The following PITRM1 variants were observed in gnomAD, a reference collection of about 807,000 sequenced individuals.
PITRM1 encodes the protein pitrilysin metallopeptidase 1, also known as presequence protease, mitochondrial.
PITRM1 carries 100 observed loss-of-function variants against 129.9 expected under a neutral mutation model. The observed-to-expected ratio is 0.77, with a 90% CI of 0.65 to 0.91. The LOEUF (loss-of-function observed/expected upper bound fraction) is 0.91. PITRM1 is among the 40% of genes least tolerant of loss of function. The probability of loss-of-function intolerance (pLI) is 0.00; values close to 1 mark genes in which losing one functional copy is unlikely to be tolerated. For synonymous variants in PITRM1, 591 were observed against 508.8 expected, an observed-to-expected ratio of 1.16 and a Z score of -2.17; for missense variants, 1,471 against 1,318.3, an observed-to-expected ratio of 1.12 and a Z score of -1.79.
chr10:3,168,656 T>C (rs1349286272), intron 2 of PITRM1, among the ~76,000 whole-genome samples: 1 of 152,110 alleles, frequency 6.6e-6, no homozygotes, highest in Non-Finnish European at 1.5e-5. Context: ...TATAAGGGGC[T>C]TCCCCCTTCA....
chr10:3,157,127 C>A, intron 12 of PITRM1, 63 bp from the exon 13 acceptor site: 1 of 1,441,860 alleles, frequency 6.9e-7, no homozygotes, highest in Non-Finnish European at 9.4e-7. Context: ...CCACCAACAG[C>A]CCAGACTTGA....
In PITRM1 at chr10:3,157,505, T is replaced by C; in HGVS notation, c.1277A>G (p.Glu426Gly). ...TATTTCAATTTTATGAAGTAAAGCC[T>C]CAATTCGATCATCTTCAAATCCTTT... The part of the protein sequence containing the change: ...VEKGFEDDRI[E>G]ALLHKIEIQM... Residue 426 changes from glutamate (E) to glycine (G), a missense_variant, in exon 12 of 27, where the codon GAG becomes GGG. Transcript: ENST00000224949. The C allele has an allele frequency of 6.2e-7, 1 of 1,606,650 alleles. No homozygotes were observed. The highest frequency in any genetic ancestry group is 8.5e-7 in the Non-Finnish European group (1 of 1,174,716).
chr10:3,161,621 AACAG>A (rs1842444671), intron 7 of PITRM1, among the ~76,000 whole-genome samples: 1 of 151,542 alleles, frequency 6.6e-6, no homozygotes, highest in South Asian at 2.1e-4. Context: ...TCCCTGGGGA[AACAG>A]ACAGTTGAAC....
At chr10:3,167,117 G>C (rs1424544307) in intron 2 of PITRM1, 75 bp from the exon 3 acceptor site, 1 of 813,818 alleles carries the variant, frequency 1.2e-6, no homozygotes, top group East Asian at 2.7e-5. Flanking sequence ...TCGACACACT[G>C]AGAAAACTGG....
At position 3,160,281 on chromosome 10, in the gene PITRM1, G is replaced by T; in HGVS notation, c.841C>A (p.His281Asn). The T allele has an allele frequency of 6.2e-7, 1 of 1,613,358 alleles. No individual in the cohort carries two copies. The highest frequency in any genetic ancestry group is 8.5e-7 in the Non-Finnish European group (1 of 1,179,348). Residue 281 changes from histidine to asparagine, a missense_variant, in exon 8 of 27, where the codon CAC (histidine) becomes AAC (asparagine). By Grantham distance (68) the His-to-Asn change is moderately conservative. Transcript: ENST00000224949. ...TGGAATTTGCTCAGTGCTTCCTCGT[G>T]AATTTGTTTCAGATGCTGTTCTAAT... ...FPLEQHLKQI[H>N]EEALSKFQKI...
intron 14 of PITRM1, among the ~76,000 whole-genome samples, chr10:3,151,583 C>G (rs76967561): frequency 1.3e-5 from 2 of 152,196 alleles, no homozygotes; most frequent in African/African-American, 4.8e-5. Flanking sequence ...TCCTAATTCT[C>G]ATTTTCAATT....
intron 2 of PITRM1, among the ~76,000 whole-genome samples, chr10:3,167,414 T>C (rs1417890368): frequency 6.6e-6 from 1 of 152,240 alleles, no homozygotes; most frequent in Non-Finnish European, 1.5e-5. Flanking sequence ...CATATAATCC[T>C]GTGAGGGAGG....
At chr10:3,159,996 G>C (rs184127138) in intron 8 of PITRM1, 60 bp from the exon 9 acceptor site, 142 of 1,312,450 alleles carry the variant, frequency 1.1e-4, no homozygotes, top group Non-Finnish European at 1.5e-4. Context: ...AACTACTCTA[G>C]GTTATCTGGA....
intron 20 of PITRM1, chr10:3,145,971 GTTC>G: frequency 2.2e-6 from 1 of 455,514 alleles, no homozygotes; most frequent in Non-Finnish European, 4.0e-6. Context: ...CTAAACTCTA[GTTC>G]TTCTGAAGAG....
intron 23 of PITRM1, 40 bp from the exon 24 acceptor site, chr10:3,140,852 TAAA>T: frequency 6.7e-7 from 1 of 1,485,268 alleles, no homozygotes; most frequent in Non-Finnish European, 9.2e-7. Context: ...CCGTGGCTGA[TAAA>T]AAAGCATAGA....
intron 15 of PITRM1, 30 bp downstream of exon 15, chr10:3,151,217 A>C: frequency 1.9e-5 from 23 of 1,195,288 alleles, no homozygotes; most frequent in South Asian, 3.8e-5. Context: ...GGAACCCGAG[A>C]CCCGGGAAAA....
chr10:3,147,378 C>T, intron 19 of PITRM1, 128 bp from the exon 20 acceptor site: 1 of 950,302 alleles, frequency 1.1e-6, no homozygotes. Context: ...ACGGCTTGGG[C>T]AGGGCTGGAA....
chr10:3,163,571 G>A, intron 7 of PITRM1, 154 bp downstream of exon 7: 1 of 643,036 alleles, frequency 1.6e-6, no homozygotes. Flanking sequence ...CAATGTCCAA[G>A]TAAGATAGGC....
intron 9 of PITRM1, 112 bp from the exon 10 acceptor site, chr10:3,159,154 A>G (rs1458234089): frequency 2.1e-6 from 2 of 966,894 alleles, no homozygotes; most frequent in Admixed American, 3.0e-5. Flanking sequence ...AAATTCTTGC[A>G]TTTCAACATT....
intron 10 of PITRM1, 53 bp downstream of exon 10, chr10:3,158,861 A>C: frequency 6.3e-7 from 1 of 1,580,314 alleles, no homozygotes; most frequent in South Asian, 1.1e-5. Flanking sequence ...GTGGAGGAGC[A>C]AAACTGCCCC....
At chr10:3,141,522 T>A (rs567253977) in intron 23 of PITRM1, 6 of 259,354 alleles carry the variant, frequency 2.3e-5, no homozygotes, top group East Asian at 2.4e-4. Context: ...AAACACACAC[T>A]CTCTGATAAA....
chr10:3,159,828 C>A lies in PITRM1; in HGVS notation c.1007+20G>T, dbSNP rs1250844146. 7 of 1,453,452 alleles carry A rather than the reference C, an allele frequency of 4.8e-6. No individual in the cohort carries two copies. The highest frequency in any genetic ancestry group is 6.7e-6 in the Non-Finnish European group (7 of 1,042,592). The allele number at this position is 1,453,452 out of a possible 1,614,324, so 90.0% of individuals were successfully genotyped here. ...TCCTCATGTTTTTGTCTTGTATGAG[C>A]TTTGACAGCATATACTTACTCCGGT... is the stretch of plus-strand genomic sequence containing the variant. On this transcript the variant is annotated intron_variant, in intron 9 of 26. Transcript: ENST00000224949.
chr10:3,154,317 A>G (rs1188514130), intron 14 of PITRM1, among the ~76,000 whole-genome samples: 4 of 152,132 alleles, frequency 2.6e-5, no homozygotes, highest in Non-Finnish European at 5.9e-5. Context: ...CTCTTGAAGG[A>G]ACGTTAGGAG....
At chr10:3,153,892 TAA>T (rs1374625270) in intron 14 of PITRM1, among the ~76,000 whole-genome samples, 1 of 152,230 alleles carries the variant, frequency 6.6e-6, no homozygotes, top group Non-Finnish European at 1.5e-5. Flanking sequence ...CATCTATTTT[TAA>T]AAGACTTAAT....
Sources: gnomAD v4.1 joint callset for allele counts (sites outside exome capture counted in the v4.1 genomes callset) on GRCh38, gnomAD v4.1.1 for gene constraint, MANE v1.5 for transcripts, NCBI Gene and HGNC (gene_info 2026-07-23, HGNC 2026-07-21) for gene names.